NSUN2: variants seen among roughly 807,000 people sequenced by gnomAD.
The protein encoded by NSUN2 is NOP2/Sun RNA methyltransferase 2, also known as RNA cytosine C(5)-methyltransferase NSUN2.
A neutral mutation model predicts 92.7 loss-of-function variants in NSUN2; 63 were observed. That is an observed-to-expected ratio of 0.68 (90% CI 0.56 to 0.84). The LOEUF is 0.84. NSUN2 is among the 40% of genes least tolerant of loss of function. NSUN2 has a pLI of 0.00. For synonymous variants in NSUN2, 356 were observed against 348.3 expected (o/e 1.02, Z -0.25); for missense variants, 989 against 964.9 (o/e 1.02, Z -0.33).
intron 16 of NSUN2, 149 bp downstream of exon 16, chr5:6,604,456 A>T: frequency 3.4e-6 from 3 of 893,450 alleles, no homozygotes; most frequent in Non-Finnish European, 5.3e-6. Context: ...ACTCTGGGAG[A>T]GCTCTATAAC....
At chr5:6,605,798 A>C (rs1437033501) in intron 14 of NSUN2, among the ~76,000 whole-genome samples, 1 of 151,598 alleles carries the variant, frequency 6.6e-6, no homozygotes, top group Non-Finnish European at 1.5e-5. Context: ...CCCGGGTTGA[A>C]GCGGTTCTCC....
chr5:6,611,801 G>T lies in NSUN2; in HGVS notation c.1022-3C>A. On this transcript the variant is annotated splice_polypyrimidine_tract_variant and splice_region_variant and intron_variant, in intron 9 of 18. Transcript: ENST00000264670. ...CACATCAGCAAGCTCCAAAGCACCTGTGCAGCAAAAGCATGGACGTCTTTT... is the reference window on the plus strand; with the variant it reads ...CACATCAGCAAGCTCCAAAGCACCTTTGCAGCAAAAGCATGGACGTCTTTT... 1 of 1,614,012 alleles carries T rather than the reference G, an allele frequency of 6.2e-7. No individual in the cohort carries two copies. The highest frequency in any genetic ancestry group is 1.1e-5 in the South Asian group (1 of 91,070).
At chr5:6,623,311 A>T in intron 4 of NSUN2, 26 bp from the exon 5 acceptor site, 2 of 1,491,806 alleles carry the variant, frequency 1.3e-6, no homozygotes, top group Non-Finnish European at 8.8e-7. Context: ...AAAATCAGCA[A>T]CAATTAGGAA....
In NSUN2 at chr5:6,602,558, G is replaced by A. The variant is rs1736601782; in HGVS notation, c.1958-58C>T. On this transcript the variant is annotated intron_variant, in intron 17 of 18. Coordinates refer to ENST00000264670, the MANE Select transcript of NSUN2 (RefSeq NM_017755.6). ...TTTCCAGGTAGTGGATGCATGCGCT[G>A]AGCACATTTCTGCACCTAGTGATGT... 4.1e-6 allele frequency: 6 copies of A among 1,452,196 alleles called. No individual in the cohort carries two copies. The Admixed American group carries it at 5.0e-5, about 12-fold the overall frequency. The allele number at this position is 1,452,196 out of a possible 1,614,324, so 90.0% of individuals were successfully genotyped here.
chr5:6,606,858 T>C lies in NSUN2; in HGVS notation c.1563A>G (p.Val521=), dbSNP rs150292203. 3.1e-6 allele frequency: 5 copies of C among 1,596,494 alleles called. No individual in the cohort carries two copies. In the Admixed American group the frequency reaches 5.0e-5, roughly 16 times the overall value. ...KLFGFKEDPF[V]FIPEDDPLFP... is the part of the protein sequence containing the mutation. ...ATAATGGGTCATCTTCAGGAATAAA[T>C]ACAAATGGATCTTCTTTAAATCCAA... The change falls in exon 14 of 19, where the codon GTA becomes GTG. Residue 521 remains valine (V), a synonymous_variant. Transcript: ENST00000264670.
At position 6,604,677 on chromosome 5, in the gene NSUN2, G is replaced by A. The variant is rs1420936620; in HGVS notation, c.1746C>T (p.Asn582=). 8.7e-6 allele frequency: 14 copies of A among 1,613,066 alleles called. No individual in the cohort carries two copies. The highest frequency in any genetic ancestry group is 1.2e-5 in the Non-Finnish European group (14 of 1,179,192). The stretch of plus-strand genomic sequence containing the variant: ...TTCTACACCAGACTTTGATCCCCGT[G>A]TTAATAACCTGTAAGTAAAAAAATA... ...LNNSEKMKVI[N]TGIKVWCRNN... Residue 582 remains asparagine (N), a synonymous_variant, in exon 16 of 19, where the codon AAC becomes AAT. Coordinates refer to ENST00000264670, the MANE Select transcript of NSUN2 (RefSeq NM_017755.6).
chr5:6,599,999 G>A lies in NSUN2; in HGVS notation c.2231C>T (p.Pro744Leu). 1.2e-6 allele frequency: 2 copies of A among 1,614,244 alleles called. No individual in the cohort carries two copies. The highest frequency in any genetic ancestry group is 1.7e-5 in the Admixed American group (1 of 60,036). Residue 744 changes from proline (P) to leucine (L), a missense_variant, in exon 19 of 19, where the codon CCA becomes CTA. Transcript: ENST00000264670. ...TGGACTGTTGGCCTCTTCTGCATCT[G>A]GGCTGTTGGGCTCTCCTGCTCTCTG... Reference protein sequence around the residue: ...EGQRAGEPNSPDAEEANSPDV... With the variant: ...EGQRAGEPNSLDAEEANSPDV...
At chr5:6,621,132 G>A (rs1379248179) in intron 6 of NSUN2, 5 of 152,122 alleles carry the variant, frequency 3.3e-5, no homozygotes, top group Admixed American at 2.6e-4. Flanking sequence ...AAAACATCAC[G>A]ATGGGTATTT....
At position 6,605,294 on chromosome 5, in the gene NSUN2, C is replaced by T. The variant is rs745629252; in HGVS notation, c.1716G>A (p.Leu572=). ...GCACCTTCATCTTCTCACTGTTATTCAGCAGCACATTCCGCAACTCCTTAG... is the reference window on the plus strand; with the variant it reads ...GCACCTTCATCTTCTCACTGTTATTTAGCAGCACATTCCGCAACTCCTTAG... ...MVSKELRNVL[L]NNSEKMKVIN... The change falls in exon 15 of 19, where the codon CTG becomes CTA. Residue 572 remains leucine, a synonymous_variant. Coordinates refer to ENST00000264670, the MANE Select transcript of NSUN2 (RefSeq NM_017755.6). 19 of 1,614,122 alleles carry T rather than the reference C, an allele frequency of 1.2e-5. No homozygotes were observed. The highest frequency in any genetic ancestry group is 1.4e-5 in the Non-Finnish European group (16 of 1,180,040).
chr5:6,624,778 T>G (rs1383496682), intron 4 of NSUN2, among the ~76,000 whole-genome samples: 3 of 151,422 alleles, frequency 2.0e-5, no homozygotes, highest in Non-Finnish European at 4.4e-5. Flanking sequence ...CATAATCTGG[T>G]GACACACAGA....
At chr5:6,603,547 T>C (rs932249746) in intron 17 of NSUN2, among the ~76,000 whole-genome samples, 1 of 151,994 alleles carries the variant, frequency 6.6e-6, no homozygotes, top group African/African-American at 2.4e-5. Flanking sequence ...AAAAATTAGC[T>C]GGGCGTGGTG....
intron 4 of NSUN2, among the ~76,000 whole-genome samples, chr5:6,624,181 C>A (rs10037161): frequency 0.36 from 54,560 of 152,096 alleles, 10,010 homozygotes; most frequent in Middle Eastern, 0.45. Flanking sequence ...ACTAGGCACA[C>A]TGATTCCAAG....
intron 3 of NSUN2, among the ~76,000 whole-genome samples, chr5:6,626,829 C>T (rs982353297): frequency 6.6e-6 from 1 of 152,210 alleles, no homozygotes; most frequent in Non-Finnish European, 1.5e-5. Flanking sequence ...CAGTAATACA[C>T]TCAATTTAAC....
rs755388273 is a variant in NSUN2, at chr5:6,632,589, G to A, written c.254+10C>T. On this transcript the variant is annotated intron_variant, in intron 2 of 18. Coordinates refer to ENST00000264670, the MANE Select transcript of NSUN2 (RefSeq NM_017755.6). ...CCCAACTCCCAAAAAATCAGGCACT[G>A]CCTCCCTACCTTTTGTAACCAGTAA... 10 of 1,612,840 alleles carry A rather than the reference G, an allele frequency of 6.2e-6. No individual in the cohort carries two copies. The South Asian group carries it at 8.8e-5, about 14-fold the overall frequency.
At chr5:6,629,305 T>TAA (rs1053684756) in intron 3 of NSUN2, among the ~76,000 whole-genome samples, 1 of 152,166 alleles carries the variant, frequency 6.6e-6, no homozygotes, top group African/African-American at 2.4e-5. Context: ...TATGAAATGT[T>TAA]AAAAGGGCTG....
intron 9 of NSUN2, among the ~76,000 whole-genome samples, chr5:6,615,371 G>A (rs1040689654): frequency 3.9e-5 from 6 of 152,174 alleles, no homozygotes; most frequent in African/African-American, 1.4e-4. Flanking sequence ...ACAAAAATCT[G>A]AGCAGGATTC....
intron 5 of NSUN2, among the ~76,000 whole-genome samples, chr5:6,622,938 A>C (rs1239496488): frequency 6.6e-6 from 1 of 151,570 alleles, no homozygotes; most frequent in African/African-American, 2.4e-5. Flanking sequence ...TTTTCAACCT[A>C]ATTTAGCCAA....
At position 6,605,176 on chromosome 5, in the gene NSUN2, G is replaced by C. The variant is rs142841730; in HGVS notation, c.1737+97C>G. ...ACAGCCAGCGCTACAGGTGGGGAGG[G>C]CAGATGTCACGGTCTGCTCCAAATG... On this transcript the variant is annotated intron_variant, in intron 15 of 18. Coordinates refer to ENST00000264670, the MANE Select transcript of NSUN2 (RefSeq NM_017755.6). The C allele has an allele frequency of 1.7e-3, 2,513 of 1,503,106 alleles. 32 individuals carry two copies. The African/African-American group carries it at 0.03, about 18-fold the overall frequency. 93.1% of individuals were successfully genotyped at this position (1,503,106 alleles called of 1,614,324 possible). A position where few individuals can be genotyped will look rare whatever the true frequency, so the allele number is the denominator to read the frequency against.
At chr5:6,630,450 C>T (rs1330594000) in intron 3 of NSUN2, among the ~76,000 whole-genome samples, 2 of 152,234 alleles carry the variant, frequency 1.3e-5, no homozygotes, top group East Asian at 1.9e-4. Flanking sequence ...GGATTACAGG[C>T]GTGTGCCACC....
Sources: gnomAD v4.1 joint callset for allele counts (sites outside exome capture counted in the v4.1 genomes callset) on GRCh38, gnomAD v4.1.1 for gene constraint, MANE v1.5 for transcripts, NCBI Gene and HGNC (gene_info 2026-07-23, HGNC 2026-07-21) for gene names.